Variants in GCHFR observed in about 807,000 individuals in gnomAD.
The protein encoded by GCHFR is GTP cyclohydrolase 1 feedback regulatory protein.
A neutral mutation model predicts 10.6 loss-of-function variants in GCHFR; 12 were observed. That is an observed-to-expected ratio of 1.13 (90% CI 0.72 to 1.83). The LOEUF is 1.83. GCHFR is among the 40% of genes most tolerant of loss of function. The probability of loss-of-function intolerance (pLI) is 0.00; values close to 1 mark genes in which losing one functional copy is unlikely to be tolerated. For synonymous variants in GCHFR, 54 were observed against 43.7 expected (o/e 1.24, Z -0.93); for missense variants, 116 against 110.6 (o/e 1.05, Z -0.22).
rs754417572 is a variant in GCHFR, at chr15:40,767,351, C to G, written c.*2C>G. On this transcript the variant is annotated 3_prime_UTR_variant, in exon 3 of 3. Coordinates refer to ENST00000260447, the MANE Select transcript of GCHFR (RefSeq NM_005258.3). ...GTGTGGTGTCTGCACAAGGAGTGAC[C>G]TTCTCATGCTGATTTGCAGACGGGG... 5 of 1,594,580 alleles carry G rather than the reference C, an allele frequency of 3.1e-6. No individual in the cohort carries two copies. The South Asian group carries it at 4.5e-5, about 14-fold the overall frequency.
chr15:40,765,171 G>C (rs867613601), intron 1 of GCHFR: 2 of 152,190 alleles, frequency 1.3e-5, no homozygotes, highest in African/African-American at 2.4e-5. Context: ...TTTCTTAAAA[G>C]ATATGGCTTT....
intron 1 of GCHFR, chr15:40,765,320 C>G (rs1888924766): frequency 1.3e-5 from 2 of 152,356 alleles, no homozygotes. Flanking sequence ...CAAAAGGAAA[C>G]CCTGTACCCA....
chr15:40,767,627 G>A lies in GCHFR; in HGVS notation c.*278G>A, dbSNP rs1888980807. ...GCCATGTTCCTCGGGCAGCTGCCCC[G>A]GGCCGGAGCTGGGCACTCCAGCGGC... is the stretch of plus-strand genomic sequence containing the variant. On this transcript the variant is annotated 3_prime_UTR_variant, in exon 3 of 3. Coordinates refer to ENST00000260447, the MANE Select transcript of GCHFR (RefSeq NM_005258.3). 5.2e-6 allele frequency: 3 copies of A among 579,240 alleles called. No individual in the cohort carries two copies. Among genetic ancestry groups the A allele is most frequent in the South Asian group, 2.4e-5 (1 of 40,968 alleles). 35.9% of individuals were successfully genotyped at this position (579,240 alleles called of 1,614,324 possible).
At chr15:40,764,259 C>A (rs1336114677) in intron 1 of GCHFR, 43 bp downstream of exon 1, 1 of 1,524,274 alleles carries the variant, frequency 6.6e-7, no homozygotes, top group South Asian at 1.2e-5. Flanking sequence ...GGACCAGGCC[C>A]TAGGGGGCTG....
rs1396375011 is a variant in GCHFR at position 40,764,123 on chromosome 15, C to A, written c.-58C>A. 6.7e-7 allele frequency: 1 copy of A among 1,503,062 alleles called. No individual in the cohort carries two copies. The highest frequency in any genetic ancestry group is 8.9e-7 in the Non-Finnish European group (1 of 1,117,370). The allele number at this position is 1,503,062 out of a possible 1,614,324, so 93.1% of individuals were successfully genotyped here. A position where few individuals can be genotyped will look rare whatever the true frequency, so the allele number is the denominator to read the frequency against. ...CGTCGCAGTCCCGACGCGAGAAGGG[C>A]TGGAGTCGGCGTCCAGCCTAGAGCC... On this transcript the variant is annotated 5_prime_UTR_variant, in exon 1 of 3. It adds an upstream start codon to the 5' untranslated region. Transcript: ENST00000260447.
intron 1 of GCHFR, chr15:40,764,653 C>T (rs948194706): frequency 1.5e-4 from 25 of 165,930 alleles, no homozygotes; most frequent in African/African-American, 5.5e-4. Context: ...AACCCCGGTG[C>T]CAAGTCCTTG....
intron 2 of GCHFR, 118 bp from the exon 3 acceptor site, chr15:40,767,108 G>A (rs1888965960): frequency 2.7e-6 from 3 of 1,091,152 alleles, no homozygotes; most frequent in South Asian, 2.4e-5. Context: ...CGCCCAGCAA[G>A]CAGCCAGCAA....
chr15:40,767,210 T>C lies in GCHFR; in HGVS notation c.132-16T>C, dbSNP rs1272913227. 8 of 1,492,476 alleles carry C rather than the reference T, an allele frequency of 5.4e-6. No individual in the cohort carries two copies. The Admixed American group carries it at 9.2e-5, about 17-fold the overall frequency. 92.5% of individuals were successfully genotyped at this position (1,492,476 alleles called of 1,614,324 possible). A position where few individuals can be genotyped will look rare whatever the true frequency, so the allele number is the denominator to read the frequency against. ...TGTGTGCCCCTCCTCACCCCCCCCA[T>C]CCTGTCTCTTTGCAGTTATGAATAC... is the stretch of plus-strand genomic sequence containing the variant. On this transcript the variant is annotated splice_polypyrimidine_tract_variant and intron_variant, in intron 2 of 2. Transcript: ENST00000260447.
At chr15:40,764,271 G>A in intron 1 of GCHFR, 55 bp downstream of exon 1, 1 of 1,478,588 alleles carries the variant, frequency 6.8e-7, no homozygotes, top group South Asian at 1.2e-5. Context: ...AGGGGGCTGC[G>A]ACTGCACCTT....
rs796150334 is a variant in GCHFR at position 40,765,991 on chromosome 15, A to G, written c.131+70A>G. On this transcript the variant is annotated intron_variant, in intron 2 of 2. Coordinates refer to ENST00000260447, the MANE Select transcript of GCHFR (RefSeq NM_005258.3). ...GACCTGCCTCTGCTCCCTTTATACA[A>G]CCTCCAAGCCCAGGGACAGGGCCCA... The G allele has an allele frequency of 4.1e-5, 29 of 705,210 alleles. No homozygotes were observed. In the African/African-American group the frequency reaches 4.4e-4, roughly 11 times the overall value. 43.7% of individuals were successfully genotyped at this position (705,210 alleles called of 1,614,324 possible). A position where few individuals can be genotyped will look rare whatever the true frequency, so the allele number is the denominator to read the frequency against.
In GCHFR at chr15:40,764,075, G is replaced by T; in HGVS notation, c.-106G>T. ...TTGACGCCGCCTGTGGCCAGAGCCG[G>T]AGTAACGGGACTCCCAGCTGCGCGT... On this transcript the variant is annotated 5_prime_UTR_variant, in exon 1 of 3. Transcript: ENST00000260447. 1.8e-6 allele frequency: 2 copies of T among 1,130,956 alleles called. No individual in the cohort carries two copies. The highest frequency in any genetic ancestry group is 2.5e-6 in the Non-Finnish European group (2 of 806,248). The allele number at this position is 1,130,956 out of a possible 1,614,324, so 70.1% of individuals were successfully genotyped here.
At chr15:40,766,469 T>C (rs1332656083) in intron 2 of GCHFR, 2 of 152,352 alleles carry the variant, frequency 1.3e-5, no homozygotes, top group Non-Finnish European at 2.9e-5. Flanking sequence ...CTACACAGGC[T>C]CTCTGAAAAG....
chr15:40,764,912 G>T (rs944048764), intron 1 of GCHFR, among the ~76,000 whole-genome samples: 6 of 152,166 alleles, frequency 3.9e-5, no homozygotes, highest in Non-Finnish European at 7.4e-5. Flanking sequence ...AAGACATGAC[G>T]GGCAGCAAGG....
intron 1 of GCHFR, among the ~76,000 whole-genome samples, chr15:40,764,973 T>C (rs1888917382): frequency 6.6e-6 from 1 of 152,038 alleles, no homozygotes; most frequent in Non-Finnish European, 1.5e-5. Flanking sequence ...CAGCAAAGGG[T>C]ACACAACCCC....
At chr15:40,765,609 G>A (rs1448873474) in intron 1 of GCHFR, 1 of 363,608 alleles carries the variant, frequency 2.8e-6, no homozygotes, top group African/African-American at 2.1e-5. Context: ...CTAAAGCTGA[G>A]CTTTAAGGCA....
chr15:40,766,127 T>G, intron 2 of GCHFR: 1 of 411,292 alleles, frequency 2.4e-6, no homozygotes, highest in Non-Finnish European at 4.4e-6. Flanking sequence ...CTCTGAAAGC[T>G]TTCCACATCC....
intron 2 of GCHFR, 77 bp downstream of exon 2, chr15:40,765,998 A>G: frequency 1.5e-6 from 1 of 671,318 alleles, no homozygotes; most frequent in Non-Finnish European, 2.5e-6. Flanking sequence ...ACAACCTCCA[A>G]GCCCAGGGAC....
intron 2 of GCHFR, 111 bp downstream of exon 2, chr15:40,766,032 G>GC: frequency 2.0e-6 from 1 of 500,098 alleles, no homozygotes; most frequent in Non-Finnish European, 3.6e-6. Flanking sequence ...AGAGCCCCCT[G>GC]CCTGCATCCT....
chr15:40,764,610 T>G (rs1353897638), intron 1 of GCHFR: 1 of 203,718 alleles, frequency 4.9e-6, no homozygotes, highest in Non-Finnish European at 9.8e-6. Flanking sequence ...GAGAAAGAGG[T>G]TTGGAAAAGA....
Sources: gnomAD v4.1 joint callset for allele counts (sites outside exome capture counted in the v4.1 genomes callset) on GRCh38, gnomAD v4.1.1 for gene constraint, MANE v1.5 for transcripts, NCBI Gene and HGNC (gene_info 2026-07-23, HGNC 2026-07-21) for gene names.